SLC25A21: variants seen among roughly 807,000 people sequenced by gnomAD.
SLC25A21 encodes mitochondrial 2-oxodicarboxylate carrier.
A neutral mutation model predicts 43.8 loss-of-function variants in SLC25A21; 47 were observed. That is an observed-to-expected ratio of 1.07 (90% CI 0.85 to 1.37). The LOEUF (loss-of-function observed/expected upper bound fraction) is 1.37. Among genes scored for constraint, SLC25A21 ranks in the 40% most tolerant of loss-of-function variants. SLC25A21 has a pLI of 0.00. For synonymous variants in SLC25A21, 131 were observed against 121.3 expected, an observed-to-expected ratio of 1.08 and a Z score of -0.52; for missense variants, 352 against 350.2, an observed-to-expected ratio of 1.00 and a Z score of -0.04.
At chr14:36,949,070 T>A (rs1312875462) in intron 1 of SLC25A21, among the ~76,000 whole-genome samples, 2 of 152,226 alleles carry the variant, frequency 1.3e-5, no homozygotes, top group Non-Finnish European at 2.9e-5. Flanking sequence ...GATCGAGTGA[T>A]GGGCTCTGGT....
At chr14:36,877,820 G>A (rs1443023001) in intron 1 of SLC25A21, among the ~76,000 whole-genome samples, 1 of 152,162 alleles carries the variant, frequency 6.6e-6, no homozygotes, top group Non-Finnish European at 1.5e-5. Context: ...GATGAGGCTG[G>A]AAGTGTGCAG....
chr14:37,165,961 C>G (rs2138955776), intron 1 of SLC25A21, among the ~76,000 whole-genome samples: 1 of 152,282 alleles, frequency 6.6e-6, no homozygotes, highest in South Asian at 2.1e-4. Context: ...GATATGCAGA[C>G]AGAGTAATGA....
chr14:36,907,791 T>C (rs1035718827), intron 1 of SLC25A21, among the ~76,000 whole-genome samples: 2 of 152,154 alleles, frequency 1.3e-5, no homozygotes, highest in African/African-American at 2.4e-5. Context: ...AAGTTATTTC[T>C]AAAAAATGTT....
intron 3 of SLC25A21, among the ~76,000 whole-genome samples, chr14:36,811,244 CAG>C (rs1180135885): frequency 6.6e-6 from 1 of 152,064 alleles, no homozygotes; most frequent in Non-Finnish European, 1.5e-5. Flanking sequence ...ATAATTAAAA[CAG>C]TATGATGCTG....
intron 1 of SLC25A21, among the ~76,000 whole-genome samples, chr14:37,163,665 A>G (rs1027303729): frequency 6.6e-6 from 1 of 152,206 alleles, no homozygotes; most frequent in African/African-American, 2.4e-5. Flanking sequence ...CATTTTAAAG[A>G]TACCACCAGG....
chr14:36,947,680 A>G (rs988229883), intron 1 of SLC25A21, among the ~76,000 whole-genome samples: 3 of 152,188 alleles, frequency 2.0e-5, no homozygotes, highest in Non-Finnish European at 4.4e-5. Flanking sequence ...CATTGAAACC[A>G]GAGTGTTCTG....
intron 1 of SLC25A21, among the ~76,000 whole-genome samples, chr14:37,006,827 A>G (rs1960615185): frequency 6.6e-6 from 1 of 152,196 alleles, no homozygotes; most frequent in African/African-American, 2.4e-5. Flanking sequence ...TATATTAAAT[A>G]TAGTATTATT....
rs199714997 is a variant in SLC25A21, at chr14:37,137,858, TATTA to T, written c.70+34419_70+34422del. ...TATGTCAATGAATTCGTTCTACAGG[TATTA>T]ATTAACAACTGACACTCAATAAAAT... On this transcript the variant is annotated intron_variant, in intron 1 of 9. Coordinates refer to ENST00000331299, the MANE Select transcript of SLC25A21 (RefSeq NM_030631.4). Among the ~76,000 whole-genome samples the T allele has an allele frequency of 2.6e-5, 4 of 152,330 alleles. No homozygotes were observed. In the East Asian group the frequency reaches 7.7e-4, roughly 29 times the overall value.
intron 1 of SLC25A21, among the ~76,000 whole-genome samples, chr14:37,109,924 AATT>A (rs1442545016): frequency 1.4e-4 from 21 of 152,300 alleles, no homozygotes; most frequent in African/African-American, 4.8e-4. Context: ...AAGATGAGAA[AATT>A]ATTAACATTG....
chr14:37,122,376 C>G (rs1307093551), intron 1 of SLC25A21, among the ~76,000 whole-genome samples: 1 of 152,212 alleles, frequency 6.6e-6, no homozygotes, highest in East Asian at 1.9e-4. Context: ...AACAGTAGCA[C>G]ATTCCTTCCC....
At chr14:36,933,808 A>G (rs1892351558) in intron 1 of SLC25A21, among the ~76,000 whole-genome samples, 1 of 152,164 alleles carries the variant, frequency 6.6e-6, no homozygotes. Flanking sequence ...GTTCTGCACT[A>G]TAGATAGCCA....
intron 3 of SLC25A21, among the ~76,000 whole-genome samples, chr14:36,760,242 A>C (rs908116132): frequency 4.6e-5 from 7 of 152,060 alleles, no homozygotes; most frequent in African/African-American, 1.4e-4. Context: ...ATCACAGACC[A>C]CGGCAAGGCC....
chr14:36,743,087 A>C (rs574398130), intron 3 of SLC25A21, among the ~76,000 whole-genome samples: 1 of 152,340 alleles, frequency 6.6e-6, no homozygotes, highest in Admixed American at 6.5e-5. Context: ...GAAAGTTGGC[A>C]GAGTGCTCAA....
At chr14:36,705,546 T>C (rs1362205595) in intron 7 of SLC25A21, among the ~76,000 whole-genome samples, 1 of 152,104 alleles carries the variant, frequency 6.6e-6, no homozygotes, top group Non-Finnish European at 1.5e-5. Context: ...ATAAATACTT[T>C]CCCTCCACCG....
intron 1 of SLC25A21, among the ~76,000 whole-genome samples, chr14:37,165,910 T>C (rs1964021949): frequency 6.6e-6 from 1 of 151,924 alleles, no homozygotes; most frequent in Non-Finnish European, 1.5e-5. Context: ...CAAGTTAGAG[T>C]TGATCAAGTA....
chr14:36,957,402 T>TG (rs1312551396), intron 1 of SLC25A21, among the ~76,000 whole-genome samples: 4 of 152,232 alleles, frequency 2.6e-5, no homozygotes, highest in Non-Finnish European at 4.4e-5. Flanking sequence ...AGTCCTGGCT[T>TG]GCCCATTAAT....
chr14:36,774,005 C>T (rs747055799), intron 3 of SLC25A21, among the ~76,000 whole-genome samples: 44 of 152,330 alleles, frequency 2.9e-4, no homozygotes, highest in Non-Finnish European at 1.8e-4. Flanking sequence ...ATGTCTACTT[C>T]TGCTGAGCAG....
chr14:36,798,902 A>AAG (rs10637597), intron 3 of SLC25A21, among the ~76,000 whole-genome samples: 12,326 of 150,740 alleles, frequency 0.082, 641 homozygotes, highest in East Asian at 0.29. Flanking sequence ...TAGGGAGAGA[A>AAG]AGAGAGAGAG....
chr14:36,694,863 G>C (rs1882949232), intron 7 of SLC25A21, among the ~76,000 whole-genome samples: 1 of 152,154 alleles, frequency 6.6e-6, no homozygotes, highest in African/African-American at 2.4e-5. Flanking sequence ...TAGGTTGCCT[G>C]TTCTCTCTGA....
Sources: gnomAD v4.1 joint callset for allele counts (sites outside exome capture counted in the v4.1 genomes callset) on GRCh38, gnomAD v4.1.1 for gene constraint, MANE v1.5 for transcripts, NCBI Gene and HGNC (gene_info 2026-07-23, HGNC 2026-07-21) for gene names.